Variants in MAPK6 observed in about 807,000 individuals in gnomAD.
The protein encoded by MAPK6 is ERK-3.
In MAPK6, 19 loss-of-function variants were observed where a neutral mutation model predicts 59.3. The observed-to-expected ratio is 0.32, with a 90% CI of 0.22 to 0.47. MAPK6 has a LOEUF of 0.47. Among genes scored for constraint, MAPK6 ranks in the 20% least tolerant of loss-of-function variants. The pLI is 1.00. For missense variants in MAPK6, 724 were observed against 847.9 expected (o/e 0.85, Z 1.81); for synonymous variants, 316 against 290.3 (o/e 1.09, Z -0.90).
chr15:51,989,239 C>A (rs1450741127), intron 2 of MAPK6, among the ~76,000 whole-genome samples: 1 of 151,918 alleles, frequency 6.6e-6, no homozygotes, highest in African/African-American at 2.4e-5. Flanking sequence ...GTCATCATGC[C>A]CTGCTAATTT....
At chr15:51,981,429 G>A (rs1459431881) in intron 1 of MAPK6, among the ~76,000 whole-genome samples, 3 of 149,978 alleles carry the variant, frequency 2.0e-5, no homozygotes, top group African/African-American at 2.5e-5. Context: ...CCGAGATCGT[G>A]CCACTGCAGT....
chr15:51,989,574 A>T (rs910779340), intron 2 of MAPK6, among the ~76,000 whole-genome samples: 2 of 152,034 alleles, frequency 1.3e-5, no homozygotes, highest in East Asian at 3.9e-4. Context: ...AAGTCCCCTT[A>T]TATGAACAGA....
chr15:52,015,622 G>A (rs1474914732), upstream of MAPK6, among the ~76,000 whole-genome samples: 6 of 146,196 alleles, frequency 4.1e-5, no homozygotes, highest in Admixed American at 2.0e-4. Context: ...GGTGGCGCAC[G>A]CCACCACGCC....
chr15:52,016,109 A>ACACACAC (rs2030259664), upstream of MAPK6, among the ~76,000 whole-genome samples: 3 of 48,418 alleles, frequency 6.2e-5, no homozygotes, highest in Non-Finnish European at 9.7e-5. Flanking sequence ...CACACACACA[A>ACACACAC]ACTAAAACTG....
intron 3 of MAPK6, among the ~76,000 whole-genome samples, chr15:52,011,881 A>G (rs1002059060): frequency 2.6e-5 from 4 of 152,244 alleles, no homozygotes; most frequent in Non-Finnish European, 5.9e-5. Flanking sequence ...AATTAAGAGT[A>G]TAAACAGACA....
At chr15:52,025,869 C>G (rs1281425203) in intron 1 of MAPK6, among the ~76,000 whole-genome samples, 1 of 152,208 alleles carries the variant, frequency 6.6e-6, no homozygotes, top group Non-Finnish European at 1.5e-5. Flanking sequence ...ACTCTAAAAT[C>G]TAAGCTGTAA....
intron 1 of MAPK6, among the ~76,000 whole-genome samples, chr15:52,031,420 CTAAAA>C (rs2031030068): frequency 6.6e-6 from 1 of 152,272 alleles, no homozygotes; most frequent in African/African-American, 2.4e-5. Context: ...TTTAAGTTCT[CTAAAA>C]TAAAGATTAT....
intron 1 of MAPK6, among the ~76,000 whole-genome samples, chr15:51,981,815 G>C (rs1040215698): frequency 1.1e-4 from 16 of 152,020 alleles, no homozygotes; most frequent in African/African-American, 3.9e-4. Context: ...GGGTGCTGTG[G>C]GTGTTAGTGG....
At chr15:52,049,511 A>G (rs920491961) in intron 2 of MAPK6, among the ~76,000 whole-genome samples, 19 of 151,420 alleles carry the variant, frequency 1.3e-4, no homozygotes, top group African/African-American at 4.1e-4. Context: ...TATTTTTAGT[A>G]GAGGCAGAGT....
At chr15:52,057,924 C>T (rs1382829019) in intron 3 of MAPK6, among the ~76,000 whole-genome samples, 1 of 152,208 alleles carries the variant, frequency 6.6e-6, no homozygotes, top group Non-Finnish European at 1.5e-5. Flanking sequence ...AAGGCAGGCA[C>T]TTGGTCTGTT....
At chr15:52,010,881 T>C (rs1324559441) in intron 3 of MAPK6, 3 of 152,214 alleles carry the variant, frequency 2.0e-5, no homozygotes, top group Admixed American at 1.3e-4. Context: ...TTGCAGGTGG[T>C]AGTCTTGCAT....
upstream of MAPK6, chr15:52,017,136 C>G (rs1022555436): frequency 2.0e-5 from 3 of 152,672 alleles, no homozygotes; most frequent in African/African-American, 7.2e-5. Flanking sequence ...CTTTGTCTCA[C>G]GTGTCCGTGT....
chr15:52,054,914 A>C (rs533749676), intron 3 of MAPK6, among the ~76,000 whole-genome samples: 1 of 152,126 alleles, frequency 6.6e-6, no homozygotes, highest in Non-Finnish European at 1.5e-5. Flanking sequence ...CAGCCTCTCA[A>C]GTAGCTGGGA....
intron 1 of MAPK6, among the ~76,000 whole-genome samples, chr15:52,025,067 C>T (rs2030713775): frequency 6.6e-6 from 1 of 151,706 alleles, no homozygotes; most frequent in South Asian, 2.1e-4. Context: ...ATAGTGAGAC[C>T]CTGTCTCTAC....
chr15:51,981,520 G>C (rs2141806565), intron 1 of MAPK6, among the ~76,000 whole-genome samples: 1 of 151,868 alleles, frequency 6.6e-6, no homozygotes, highest in East Asian at 1.9e-4. Flanking sequence ...CTTATGTGAA[G>C]AAAAAAAGAA....
rs2031533019 is a variant in MAPK6, at chr15:52,044,345, G to GT, written c.-631-1484dup. ...TTTATTAAAAGAACTGAGGGATATA[G>GT]TAAGTATCAGTTTTTATTAAAGCTG... On this transcript the variant is annotated intron_variant, in intron 1 of 5. Coordinates refer to ENST00000261845, the MANE Select transcript of MAPK6 (RefSeq NM_002748.4). Among the ~76,000 whole-genome samples the GT allele has an allele frequency of 2.0e-5, 3 of 152,176 alleles. No homozygotes were observed. In the South Asian group the frequency reaches 6.2e-4, roughly 31 times the overall value.
At chr15:52,029,194 C>T (rs147337105) in intron 1 of MAPK6, among the ~76,000 whole-genome samples, 216 of 152,230 alleles carry the variant, frequency 1.4e-3, no homozygotes, top group African/African-American at 4.5e-3. Context: ...CACACCACCA[C>T]GCCTGGCTAA....
chr15:51,986,855 G>A (rs757213847), intron 2 of MAPK6, among the ~76,000 whole-genome samples: 2 of 152,136 alleles, frequency 1.3e-5, no homozygotes, highest in Admixed American at 6.5e-5. Context: ...TATTATGACA[G>A]CCCTTTACTC....
chr15:52,051,631 TG>T (rs2031784497), intron 3 of MAPK6, among the ~76,000 whole-genome samples: 1 of 151,970 alleles, frequency 6.6e-6, no homozygotes. Flanking sequence ...CCCAGCACTT[TG>T]GGAGGCTGCA....
Sources: gnomAD v4.1 joint callset for allele counts (sites outside exome capture counted in the v4.1 genomes callset) on GRCh38, gnomAD v4.1.1 for gene constraint, MANE v1.5 for transcripts, NCBI Gene and HGNC (gene_info 2026-07-23, HGNC 2026-07-21) for gene names.